GALNT13: variants seen among roughly 807,000 people sequenced by gnomAD.
GALNT13 encodes polypeptide N-acetylgalactosaminyltransferase 13, also known as UDP-GalNAc:polypeptide N-acetylgalactosaminyltransferase 13.
In GALNT13, 28 loss-of-function variants were observed where a neutral mutation model predicts 64.2. The observed-to-expected ratio is 0.44, with a 90% CI of 0.32 to 0.60. The LOEUF is 0.60. GALNT13 is among the 20% of genes least tolerant of loss of function. The pLI, the probability that GALNT13 is intolerant of heterozygous loss-of-function variation, is 0.05. For synonymous variants in GALNT13, 214 were observed against 224.6 expected (o/e 0.95, Z 0.42); for missense variants, 577 against 669.8 (o/e 0.86, Z 1.53).
intron 2 of GALNT13, among the ~76,000 whole-genome samples, chr2:153,918,985 T>A (rs987164179): frequency 6.6e-6 from 1 of 152,136 alleles, no homozygotes; most frequent in East Asian, 1.9e-4. Flanking sequence ...CAAAGTTAGT[T>A]GTGTGACTTA....
At chr2:153,437,037 G>C in the GALNT13 span, among the ~76,000 whole-genome samples, 1 of 151,782 alleles carries the variant, frequency 6.6e-6, no homozygotes, top group South Asian at 2.1e-4. Flanking sequence ...CTTTGTTCTC[G>C]TTGGTTTCAA....
At chr2:153,539,260 T>C in the GALNT13 span, among the ~76,000 whole-genome samples, 1 of 152,098 alleles carries the variant, frequency 6.6e-6, no homozygotes, top group Non-Finnish European at 1.5e-5. Context: ...TCTTGTAAAT[T>C]TGTTTGAGTT....
chr2:153,806,194 C>T, the GALNT13 span, among the ~76,000 whole-genome samples: 3 of 151,918 alleles, frequency 2.0e-5, no homozygotes, highest in Non-Finnish European at 2.9e-5. Flanking sequence ...CTTGTTATAC[C>T]AATTGGTAAT....
intron 9 of GALNT13, 36 bp from the exon 10 acceptor site, chr2:154,395,955 G>C (rs769325748): frequency 6.4e-7 from 1 of 1,556,940 alleles, no homozygotes; most frequent in African/African-American, 1.4e-5. Flanking sequence ...AACAAAAATA[G>C]CACAAACTGA....
chr2:153,858,811 C>A, the GALNT13 span, among the ~76,000 whole-genome samples: 1 of 152,122 alleles, frequency 6.6e-6, no homozygotes. Flanking sequence ...CGGCTCACTG[C>A]AACCTCCGCC....
chr2:153,087,434 G>A, the GALNT13 span, among the ~76,000 whole-genome samples: 275 of 152,166 alleles, frequency 1.8e-3, no homozygotes, highest in African/African-American at 6.4e-3. Context: ...ATGGTCCGTA[G>A]TTTTCTTTTT....
the GALNT13 span, among the ~76,000 whole-genome samples, chr2:153,157,951 A>G: frequency 6.6e-6 from 1 of 152,210 alleles, no homozygotes; most frequent in Admixed American, 6.5e-5. Flanking sequence ...TTGACTCTAG[A>G]GTTCCCCTGG....
Position 154,071,982 on chromosome 2 carries a change from G to T in GALNT13, c.143-68355G>T, listed in dbSNP as rs147359689. On this transcript the variant is annotated intron_variant, in intron 3 of 12. Transcript: ENST00000392825. The stretch of plus-strand genomic sequence containing the variant: ...AGCTTTGTTTAGCGTGAATTATAGT[G>T]CTTTTGGCTGTGAGTTCAATGTTAA... Among the ~76,000 whole-genome samples, 13 of 152,178 alleles carry T rather than the reference G, an allele frequency of 8.5e-5. No homozygotes were observed. The East Asian group carries it at 2.5e-3, about 29-fold the overall frequency.
intron 12 of GALNT13, chr2:154,441,892 A>T (rs377491568): frequency 2.1e-3 from 316 of 152,248 alleles, no homozygotes; most frequent in African/African-American, 7.3e-3. Flanking sequence ...ATAGTCTTAT[A>T]AGACAGTTAT....
the GALNT13 span, among the ~76,000 whole-genome samples, chr2:153,851,980 G>A: frequency 6.6e-6 from 1 of 152,080 alleles, no homozygotes; most frequent in Non-Finnish European, 1.5e-5. Context: ...TTATTTGAAG[G>A]TGAGACATGA....
At chr2:153,079,443 G>C in the GALNT13 span, among the ~76,000 whole-genome samples, 1 of 152,118 alleles carries the variant, frequency 6.6e-6, no homozygotes, top group Non-Finnish European at 1.5e-5. Context: ...TGGATTGGCT[G>C]TTATACATTA....
At chr2:153,350,849 T>C in the GALNT13 span, among the ~76,000 whole-genome samples, 1 of 152,182 alleles carries the variant, frequency 6.6e-6, no homozygotes, top group African/African-American at 2.4e-5. Context: ...CCTATTCATA[T>C]AGCTCACTTT....
In GALNT13 at chr2:154,166,738, C is replaced by G. The variant is rs537659760; in HGVS notation, c.311+26233C>G. Among the ~76,000 whole-genome samples, 6 of 152,282 alleles carry G rather than the reference C, an allele frequency of 3.9e-5. No individual in the cohort carries two copies. In the Middle Eastern group the frequency reaches 0.01, roughly 259 times the overall value. ...ACTTGGAACCAACCCAGATGTCCAT[C>G]AGTGATAGACTGGATTAAGAAAATG... On this transcript the variant is annotated intron_variant, in intron 4 of 12. Coordinates refer to ENST00000392825, the MANE Select transcript of GALNT13 (RefSeq NM_052917.4).
chr2:153,549,591 G>A, the GALNT13 span, among the ~76,000 whole-genome samples: 2 of 152,252 alleles, frequency 1.3e-5, no homozygotes, highest in South Asian at 4.1e-4. Context: ...CATGGTAAGA[G>A]GGACCATGGG....
the GALNT13 span, among the ~76,000 whole-genome samples, chr2:153,834,231 A>T: frequency 6.6e-6 from 1 of 152,132 alleles, no homozygotes; most frequent in Non-Finnish European, 1.5e-5. Context: ...CACAGGCTGG[A>T]CACCATGCTA....
chr2:153,827,291 A>G, the GALNT13 span, among the ~76,000 whole-genome samples: 1 of 152,234 alleles, frequency 6.6e-6, no homozygotes, highest in Admixed American at 6.5e-5. Flanking sequence ...GGTTCCTCCC[A>G]TGACACATGG....
intron 4 of GALNT13, among the ~76,000 whole-genome samples, chr2:154,225,315 A>G (rs926195485): frequency 6.6e-6 from 1 of 152,072 alleles, no homozygotes; most frequent in Admixed American, 6.6e-5. Context: ...TTCACCTAGC[A>G]GTTTGCTGAA....
the GALNT13 span, among the ~76,000 whole-genome samples, chr2:153,698,703 T>A: frequency 6.6e-6 from 1 of 152,096 alleles, no homozygotes; most frequent in Non-Finnish European, 1.5e-5. Context: ...AACAAGGGTA[T>A]TCAAGACTTG....
the GALNT13 span, among the ~76,000 whole-genome samples, chr2:153,835,113 G>A: frequency 6.6e-6 from 1 of 151,958 alleles, no homozygotes; most frequent in Non-Finnish European, 1.5e-5. Context: ...TTTCTTTCTA[G>A]TTCTAGACTT....
Sources: gnomAD v4.1 joint callset for allele counts (sites outside exome capture counted in the v4.1 genomes callset) on GRCh38, gnomAD v4.1.1 for gene constraint, MANE v1.5 for transcripts, NCBI Gene and HGNC (gene_info 2026-07-23, HGNC 2026-07-21) for gene names.